CPEB3: variants seen among roughly 807,000 people sequenced by gnomAD.
The protein encoded by CPEB3 is cytoplasmic polyadenylation element-binding protein 3.
CPEB3 carries 20 observed loss-of-function variants against 67.2 expected under a neutral mutation model. That is an observed-to-expected ratio of 0.30 (90% CI 0.21 to 0.43). The LOEUF (loss-of-function observed/expected upper bound fraction) is 0.43, where lower values mean the gene tolerates loss of function less well. CPEB3 is among the 20% of genes least tolerant of loss of function. The pLI, the probability that CPEB3 is intolerant of heterozygous loss-of-function variation, is 1.00. For synonymous variants in CPEB3, 376 were observed against 393.1 expected (o/e 0.96, Z 0.51); for missense variants, 746 against 968.6 (o/e 0.77, Z 3.05).
At chr10:92,096,814 G>C (rs538011416) in intron 7 of CPEB3, among the ~76,000 whole-genome samples, 5 of 152,104 alleles carry the variant, frequency 3.3e-5, no homozygotes, top group African/African-American at 9.7e-5. Flanking sequence ...GTGGTGGCAG[G>C]CACCGGTAAT....
intron 7 of CPEB3, among the ~76,000 whole-genome samples, chr10:92,096,761 C>G (rs1222297864): frequency 1.3e-5 from 2 of 152,056 alleles, no homozygotes; most frequent in East Asian, 3.9e-4. Context: ...TTGGCCAACA[C>G]GGTAAAACCT....
chr10:92,058,074 A>G (rs2134286937), intron 9 of CPEB3, among the ~76,000 whole-genome samples: 1 of 152,240 alleles, frequency 6.6e-6, no homozygotes, highest in East Asian at 1.9e-4. Context: ...ATCCAGGAAA[A>G]CATGACCTCA....
chr10:92,162,424 T>C (rs976699366), intron 4 of CPEB3, among the ~76,000 whole-genome samples: 3 of 152,126 alleles, frequency 2.0e-5, no homozygotes, highest in African/African-American at 7.2e-5. Context: ...TTGTGTACTG[T>C]TTGTATTTGA....
chr10:92,059,382 G>C (rs180895289), intron 9 of CPEB3, among the ~76,000 whole-genome samples: 110 of 147,612 alleles, frequency 7.5e-4, no homozygotes, highest in African/African-American at 2.6e-3. Flanking sequence ...GCTCCTGAAT[G>C]ACCAGTGGGT....
intron 3 of CPEB3, among the ~76,000 whole-genome samples, chr10:92,191,416 A>T (rs901379349): frequency 6.6e-6 from 1 of 151,970 alleles, no homozygotes; most frequent in Non-Finnish European, 1.5e-5. Flanking sequence ...AAAATAAAAA[A>T]AAAATAAACT....
intron 9 of CPEB3, among the ~76,000 whole-genome samples, chr10:92,078,904 G>A (rs1008256839): frequency 1.4e-4 from 21 of 152,052 alleles, no homozygotes; most frequent in African/African-American, 5.1e-4. Context: ...ATAAATCCCT[G>A]GGGCAAGCAT....
chr10:92,060,904 C>T (rs1330686806), intron 9 of CPEB3, among the ~76,000 whole-genome samples: 1 of 152,166 alleles, frequency 6.6e-6, no homozygotes. Flanking sequence ...AACCCTTGTA[C>T]ACTGTTGGTT....
intron 8 of CPEB3, among the ~76,000 whole-genome samples, chr10:92,088,791 A>T (rs1345685858): frequency 1.3e-5 from 2 of 152,234 alleles, no homozygotes; most frequent in Non-Finnish European, 2.9e-5. Flanking sequence ...TATCTAGTCC[A>T]GGATCAGTCT....
At chr10:92,073,499 T>A (rs1228724552) in intron 9 of CPEB3, among the ~76,000 whole-genome samples, 1 of 152,116 alleles carries the variant, frequency 6.6e-6, no homozygotes, top group African/African-American at 2.4e-5. Flanking sequence ...AGTTCAGTGG[T>A]GCAGTCATAG....
At chr10:92,113,526 A>G (rs1844854545) in intron 6 of CPEB3, among the ~76,000 whole-genome samples, 1 of 152,202 alleles carries the variant, frequency 6.6e-6, no homozygotes, top group South Asian at 2.1e-4. Context: ...AGCATATTGA[A>G]CACCCTGCAG....
intron 9 of CPEB3, among the ~76,000 whole-genome samples, chr10:92,062,244 C>CAAAA (rs35185791): frequency 6.7e-5 from 8 of 119,882 alleles, no homozygotes; most frequent in East Asian, 4.8e-4. Context: ...GACCCTGTCT[C>CAAAA]AAAAAAAAAA....
At chr10:92,069,731 G>C (rs754978223) in intron 9 of CPEB3, among the ~76,000 whole-genome samples, 2 of 152,112 alleles carry the variant, frequency 1.3e-5, no homozygotes, top group African/African-American at 4.8e-5. Flanking sequence ...AAAAGTATTA[G>C]AAAGTCCAAA....
intron 5 of CPEB3, among the ~76,000 whole-genome samples, chr10:92,144,630 T>C (rs149332300): frequency 1.8e-4 from 28 of 152,338 alleles, no homozygotes; most frequent in African/African-American, 3.8e-4. Flanking sequence ...TGGAATCTAA[T>C]TGAATTTGAG....
intron 7 of CPEB3, among the ~76,000 whole-genome samples, chr10:92,093,182 T>G (rs907354047): frequency 1.3e-5 from 2 of 152,214 alleles, no homozygotes; most frequent in Non-Finnish European, 2.9e-5. Flanking sequence ...CAATATGCTC[T>G]GAGAAGCGGG....
chr10:92,171,330 T>A (rs1288931473), intron 4 of CPEB3, among the ~76,000 whole-genome samples: 1 of 152,176 alleles, frequency 6.6e-6, no homozygotes, highest in Non-Finnish European at 1.5e-5. Context: ...GAAAGAACAC[T>A]ACGATATGCA....
chr10:92,238,932 G>A (rs1851672057), intron 2 of CPEB3, among the ~76,000 whole-genome samples: 1 of 152,182 alleles, frequency 6.6e-6, no homozygotes, highest in Non-Finnish European at 1.5e-5. Flanking sequence ...CTTGCAGGCG[G>A]CACCCTGAGC....
chr10:92,128,536 G>A (rs1351754980), intron 6 of CPEB3, among the ~76,000 whole-genome samples: 1 of 152,070 alleles, frequency 6.6e-6, no homozygotes, highest in Admixed American at 6.6e-5. Flanking sequence ...CATAGCAAAA[G>A]AAACTATCAA....
At chr10:92,124,756 C>A (rs554318948) in intron 6 of CPEB3, among the ~76,000 whole-genome samples, 2 of 152,180 alleles carry the variant, frequency 1.3e-5, no homozygotes, top group South Asian at 4.1e-4. Context: ...TAAAATAACA[C>A]TGACTTATTT....
chr10:92,104,985 C>T (rs971378078), intron 7 of CPEB3, among the ~76,000 whole-genome samples: 1 of 151,936 alleles, frequency 6.6e-6, no homozygotes, highest in Admixed American at 6.6e-5. Context: ...ACTGCAGCCT[C>T]GGACTCCTGA....
Sources: allele counts gnomAD v4.1 joint callset (sites outside exome capture counted in the v4.1 genomes callset), GRCh38; gene constraint gnomAD v4.1.1; transcripts MANE v1.5; gene names NCBI Gene and HGNC (gene_info 2026-07-23, HGNC 2026-07-21).